Variants in EPN2 observed in about 807,000 individuals in gnomAD.
EPN2 encodes the protein epsin 2.
EPN2 carries 34 observed loss-of-function variants against 61.7 expected under a neutral mutation model. The observed-to-expected ratio is 0.55, with a 90% confidence interval of 0.42 to 0.73. EPN2 has a LOEUF of 0.73. Among genes scored for constraint, EPN2 ranks in the 30% least tolerant of loss-of-function variants. EPN2 has a pLI of 0.00. For synonymous variants in EPN2, 349 were observed against 353.6 expected (o/e 0.99, Z 0.15); for missense variants, 714 against 839.2 (o/e 0.85, Z 1.84).
chr17:19,320,752 G>A (rs1437406899), intron 7 of EPN2, among the ~76,000 whole-genome samples: 1 of 152,174 alleles, frequency 6.6e-6, no homozygotes, highest in Non-Finnish European at 1.5e-5. Context: ...TGGAGATTAT[G>A]GGCCACTCTA....
chr17:19,322,662 C>T (rs979180736), intron 7 of EPN2, among the ~76,000 whole-genome samples: 2 of 151,312 alleles, frequency 1.3e-5, no homozygotes, highest in African/African-American at 4.9e-5. Flanking sequence ...ATCCCTTGAG[C>T]CTAGGAGGTT....
chr17:19,270,892 T>C (rs1451639758), intron 1 of EPN2, among the ~76,000 whole-genome samples: 2 of 152,224 alleles, frequency 1.3e-5, no homozygotes, highest in African/African-American at 4.8e-5. Flanking sequence ...CTGGTAGGGC[T>C]GTTCCTGTTC....
At chr17:19,310,142 A>C in intron 5 of EPN2, 145 bp downstream of exon 5, 1 of 654,874 alleles carries the variant, frequency 1.5e-6, no homozygotes, top group South Asian at 1.7e-5. Flanking sequence ...TGCTGCCGTA[A>C]GTGTGTATTC....
In EPN2 at chr17:19,283,614, G is replaced by A; in HGVS notation, c.495G>A (p.Gln165=). 6.2e-7 allele frequency: 1 copy of A among 1,614,138 alleles called. No individual in the cohort carries two copies. The highest frequency in any genetic ancestry group is 8.5e-7 in the Non-Finnish European group (1 of 1,180,038). ...TTGCCACTGGCATGGGCAGCAACCA[G>A]ATCACCTTTGGGCGAGGCTCCAGCC... ...AQVATGMGSN[Q]ITFGRGSSQP... The change falls in exon 3 of 11, where the codon CAG becomes CAA. Residue 165 remains glutamine (Q), a synonymous_variant. Coordinates refer to ENST00000314728, the MANE Select transcript of EPN2 (RefSeq NM_014964.5). This position sits in a 1 kb window ranked among gnomAD's most constrained non-coding sequence, Gnocchi z 7.0.
intron 1 of EPN2, among the ~76,000 whole-genome samples, chr17:19,277,422 G>C (rs972223612): frequency 7.2e-6 from 1 of 138,728 alleles, no homozygotes; most frequent in Non-Finnish European, 1.5e-5. Flanking sequence ...AAAAAAAAAA[G>C]AGAGAAATAA....
intron 1 of EPN2, among the ~76,000 whole-genome samples, chr17:19,241,813 G>A (rs540081017): frequency 5.8e-4 from 88 of 152,200 alleles, no homozygotes; most frequent in Middle Eastern, 3.4e-3. Context: ...GAAAAACTGA[G>A]GCCCAGAGAG....
intron 10 of EPN2, among the ~76,000 whole-genome samples, chr17:19,333,617 G>T (rs1226687203): frequency 6.6e-6 from 1 of 152,086 alleles, no homozygotes; most frequent in East Asian, 1.9e-4. Context: ...CAAAATGAGG[G>T]AGCAGTGGTA....
chr17:19,283,598 G>T lies in EPN2; in HGVS notation c.479G>T (p.Gly160Val). The T allele has an allele frequency of 3.1e-6, 5 of 1,614,202 alleles. No homozygotes were observed. The highest frequency in any genetic ancestry group is 4.2e-6 in the Non-Finnish European group (5 of 1,180,036). ...GAGCGCATGGCCCAGGTTGCCACTGGCATGGGCAGCAACCAGATCACCTTT... is the reference window on the plus strand; with the variant it reads ...GAGCGCATGGCCCAGGTTGCCACTGTCATGGGCAGCAACCAGATCACCTTT... ...TKERMAQVATGMGSNQITFGR... is the reference protein window; with the variant it reads ...TKERMAQVATVMGSNQITFGR... Residue 160 changes from glycine to valine, a missense_variant, in exon 3 of 11, where the codon GGC (glycine) becomes GTC (valine). By Grantham distance (109) the Gly-to-Val change is moderately radical. Coordinates refer to ENST00000314728, the MANE Select transcript of EPN2 (RefSeq NM_014964.5). The surrounding 1 kb of genome is among the most constrained non-coding windows in gnomAD (Gnocchi z 7.0).
intron 4 of EPN2, among the ~76,000 whole-genome samples, chr17:19,295,362 A>ACGCGCGCGCG (rs1182989127): frequency 1.2e-3 from 83 of 71,062 alleles, no homozygotes; most frequent in Middle Eastern, 7.2e-3. Flanking sequence ...ACACACACAC[A>ACGCGCGCGCG]CACACGCGCG....
chr17:19,282,834 A>G (rs1307395961), intron 2 of EPN2, 116 bp from the exon 3 acceptor site: 3 of 343,092 alleles, frequency 8.7e-6, no homozygotes, highest in Non-Finnish European at 1.6e-5. Flanking sequence ...CGTCCTAAGG[A>G]GGCTGGGTAT....
rs774601697 is a variant in EPN2 at position 19,328,764 on chromosome 17, G to A, written c.1201G>A (p.Val401Ile). The A allele has an allele frequency of 1.1e-5, 18 of 1,613,054 alleles. No homozygotes were observed. Among genetic ancestry groups the A allele is most frequent in the South Asian group, 7.7e-5 (7 of 90,924 alleles). The change falls in exon 8 of 11, where the codon GTA (valine) becomes ATA (isoleucine). Residue 401 changes from valine to isoleucine, a missense_variant. This residue lies in a region of EPN2 where 410 missense variants were observed against 421.8 expected (regional missense o/e 0.97). Transcript: ENST00000314728. ...DPWGVPTGAT[V>I]QSVPKNSDPW... ...ATGGGGGGTGCCCACTGGAGCCACC[G>A]TACAATCTGTCCCCAAGAACTCGGA... is the stretch of plus-strand genomic sequence containing the variant.
chr17:19,307,722 C>G (rs1905919023), intron 4 of EPN2, among the ~76,000 whole-genome samples: 1 of 152,196 alleles, frequency 6.6e-6, no homozygotes. Flanking sequence ...TGCTTGGCAA[C>G]CTCACATGGT....
chr17:19,243,426 G>A (rs977177342), intron 1 of EPN2, among the ~76,000 whole-genome samples: 5 of 115,818 alleles, frequency 4.3e-5, no homozygotes, highest in African/African-American at 1.0e-4. Flanking sequence ...ACGGAGTCTC[G>A]CTGTCTCCCA....
intron 4 of EPN2, among the ~76,000 whole-genome samples, chr17:19,287,318 A>G (rs2045415820): frequency 6.6e-6 from 1 of 152,088 alleles, no homozygotes; most frequent in East Asian, 1.9e-4. Context: ...CAGCCCTGAT[A>G]GGAGTTGAAG....
At chr17:19,266,549 C>A (rs939373256) in intron 1 of EPN2, among the ~76,000 whole-genome samples, 1 of 151,998 alleles carries the variant, frequency 6.6e-6, no homozygotes, top group Non-Finnish European at 1.5e-5. Context: ...ACTACAGGCG[C>A]CCGCTACCAC....
rs1433275844 is a variant in EPN2 at position 19,309,895 on chromosome 17, G to A, written c.777G>A (p.Pro259=). ...GGTCTTCCCCAACAGCCACCTCCCC[G>A]CGAGTGTCCTCCGAGCTGGAGCAAG... is the stretch of plus-strand genomic sequence containing the variant. ...TCDRAARATS[P]RVSSELEQAR... is the part of the protein sequence containing the mutation. The change falls in exon 5 of 11, where the codon CCG becomes CCA. Residue 259 remains proline, a synonymous_variant. Transcript: ENST00000314728. 10 of 1,607,036 alleles carry A rather than the reference G, an allele frequency of 6.2e-6. No individual in the cohort carries two copies. Among genetic ancestry groups the A allele is most frequent in the Non-Finnish European group, 6.8e-6 (8 of 1,179,968 alleles).
chr17:19,239,890 T>C (rs1567838815), intron 1 of EPN2, among the ~76,000 whole-genome samples: 1 of 152,210 alleles, frequency 6.6e-6, no homozygotes, highest in African/African-American at 2.4e-5. Context: ...AGAAATTCTC[T>C]GTTATCACTA....
Position 19,305,370 on chromosome 17 carries a change from C to A in EPN2, c.767-4515C>A, listed in dbSNP as rs140446006. ...ACTCCTGGCCTCAAGTGATCCACCC[C>A]CTTCGGTCTCCCAAAGTGCTGTGAC... On this transcript the variant is annotated intron_variant, in intron 4 of 10. Transcript: ENST00000314728. 4.9e-3 allele frequency among the ~76,000 whole-genome samples: 751 copies of A among 152,198 alleles called. 4 individuals carry two copies. The highest frequency in any genetic ancestry group is 0.018 in the African/African-American group (731 of 41,528).
Position 19,253,108 on chromosome 17 carries a change from A to G in EPN2, c.-294+15577A>G, listed in dbSNP as rs115731325. Among the ~76,000 whole-genome samples, 202 of 152,348 alleles carry G rather than the reference A, an allele frequency of 1.3e-3. 3 individuals are homozygous for G. Among genetic ancestry groups the G allele is most frequent in the African/African-American group, 4.5e-3 (186 of 41,576 alleles). The stretch of plus-strand genomic sequence containing the variant: ...TTTTCATCACTCCAAAAGAAAATCC[A>G]TACTCATTAGGTAGTTGCTCCTCAA... On this transcript the variant is annotated intron_variant, in intron 1 of 10. Transcript: ENST00000314728.
Sources: allele counts gnomAD v4.1 joint callset (sites outside exome capture counted in the v4.1 genomes callset), GRCh38; gene constraint gnomAD v4.1.1; regional missense constraint gnomAD v4.1.1; non-coding constraint Gnocchi (gnomAD v3.1); transcripts MANE v1.5; gene names NCBI Gene and HGNC (gene_info 2026-07-23, HGNC 2026-07-21).